The following NXPE2 variants were observed in gnomAD, a reference collection of about 807,000 sequenced individuals.
NXPE2 encodes NXPE family member 2.
A neutral mutation model predicts 34.4 loss-of-function variants in NXPE2; 34 were observed. That is an observed-to-expected ratio of 0.99 (90% CI 0.75 to 1.31). NXPE2 has a LOEUF of 1.31. NXPE2 is among the 40% of genes most tolerant of loss of function. The pLI is 0.00. For synonymous variants in NXPE2, 235 were observed against 231.3 expected, an observed-to-expected ratio of 1.02 and a Z score of -0.15; for missense variants, 649 against 672.5, an observed-to-expected ratio of 0.97 and a Z score of 0.39.
chr11:114,638,688 G>T, the NXPE2 span, among the ~76,000 whole-genome samples: 1 of 152,082 alleles, frequency 6.6e-6, no homozygotes, highest in African/African-American at 2.4e-5. Context: ...TAACAGACAG[G>T]ACCGTCAGCT....
At chr11:114,611,610 C>A in the NXPE2 span, among the ~76,000 whole-genome samples, 1 of 151,688 alleles carries the variant, frequency 6.6e-6, no homozygotes, top group Non-Finnish European at 1.5e-5. Context: ...ACAATTCTTA[C>A]CCTGTGGAAA....
the NXPE2 span, among the ~76,000 whole-genome samples, chr11:114,542,866 A>G: frequency 6.6e-6 from 1 of 152,232 alleles, no homozygotes; most frequent in African/African-American, 2.4e-5. Flanking sequence ...TGAAGACATG[A>G]ATATATATGA....
At chr11:114,790,623 G>A in the NXPE2 span, among the ~76,000 whole-genome samples, 3 of 152,166 alleles carry the variant, frequency 2.0e-5, no homozygotes, top group Non-Finnish European at 4.4e-5. Flanking sequence ...GCAGCAGTCA[G>A]GGCCAGAAGT....
chr11:114,679,766 G>T lies in NXPE2; in HGVS notation c.132+4G>T. ...GGCTTCAAAAGACCACACAAAGGTA[G>T]GAAGTTTCATTTTTAAGAATTTCAC... On this transcript the variant is annotated splice_donor_region_variant and intron_variant, in intron 2 of 5. Transcript: ENST00000389586. The T allele has an allele frequency of 6.6e-7, 1 of 1,524,090 alleles. No homozygotes were observed. The highest frequency in any genetic ancestry group is 8.9e-7 in the Non-Finnish European group (1 of 1,124,050). The allele number at this position is 1,524,090 out of a possible 1,614,324, so 94.4% of individuals were successfully genotyped here. A position where few individuals can be genotyped will look rare whatever the true frequency, so the allele number is the denominator to read the frequency against.
At chr11:114,477,843 CCTTT>C in the NXPE2 span, among the ~76,000 whole-genome samples, 5 of 150,974 alleles carry the variant, frequency 3.3e-5, no homozygotes, top group Non-Finnish European at 5.9e-5. Context: ...AAAAAGAATC[CCTTT>C]CTTTTTCTTA....
At chr11:114,527,872 TC>T in the NXPE2 span, 2 of 1,606,698 alleles carry the variant, frequency 1.2e-6, no homozygotes, top group Non-Finnish European at 1.7e-6. Flanking sequence ...GTGTTTACGA[TC>T]CTTCATCATT....
At chr11:114,477,681 T>G in the NXPE2 span, among the ~76,000 whole-genome samples, 1 of 152,122 alleles carries the variant, frequency 6.6e-6, no homozygotes, top group South Asian at 2.1e-4. Context: ...CTTCAAATAC[T>G]ATGCTGAGTG....
At chr11:114,790,871 T>C in the NXPE2 span, among the ~76,000 whole-genome samples, 3 of 151,680 alleles carry the variant, frequency 2.0e-5, no homozygotes, top group Non-Finnish European at 4.4e-5. Flanking sequence ...CCCTGAAGAG[T>C]CCCCCAGGGA....
At chr11:114,676,531 G>A (rs1341173707), upstream of NXPE2, among the ~76,000 whole-genome samples, 1 of 151,938 alleles carries the variant, frequency 6.6e-6, no homozygotes, top group Non-Finnish European at 1.5e-5. Context: ...CTAATCATCA[G>A]GAAAATGCAA....
the NXPE2 span, chr11:114,571,317 G>A: frequency 6.2e-7 from 1 of 1,614,004 alleles, no homozygotes; most frequent in South Asian, 1.1e-5. Context: ...TCTGTCAATG[G>A]CCCGGGTGAG....
At chr11:114,510,834 G>A in the NXPE2 span, among the ~76,000 whole-genome samples, 16 of 152,074 alleles carry the variant, frequency 1.1e-4, no homozygotes, top group African/African-American at 3.6e-4. Flanking sequence ...AGCAAATAAA[G>A]ACAATTATTA....
At chr11:114,568,842 A>C in the NXPE2 span, among the ~76,000 whole-genome samples, 4 of 152,200 alleles carry the variant, frequency 2.6e-5, no homozygotes, top group African/African-American at 9.6e-5. Context: ...GAACTGTGGA[A>C]TAATTTTATG....
chr11:114,562,105 A>G, the NXPE2 span, among the ~76,000 whole-genome samples: 50 of 152,170 alleles, frequency 3.3e-4, no homozygotes, highest in African/African-American at 1.0e-3. Context: ...TGGCATGTCA[A>G]TTTCTTCTGA....
At chr11:114,554,352 T>C in the NXPE2 span, 486,321 of 983,688 alleles carry the variant, frequency 0.49, 124,875 homozygotes, top group African/African-American at 0.85. Context: ...CTTGTGTAAA[T>C]GAGAGGGGGC....
chr11:114,786,789 A>C, the NXPE2 span, among the ~76,000 whole-genome samples: 1 of 150,956 alleles, frequency 6.6e-6, no homozygotes, highest in Non-Finnish European at 1.5e-5. Context: ...CCCCACACAG[A>C]CAGCCACAGG....
chr11:114,566,276 A>C, the NXPE2 span, among the ~76,000 whole-genome samples: 2 of 152,194 alleles, frequency 1.3e-5, no homozygotes, highest in East Asian at 3.9e-4. Flanking sequence ...GATAGAGCAA[A>C]GTGGATGCAT....
the NXPE2 span, among the ~76,000 whole-genome samples, chr11:114,728,469 A>G: frequency 1.3e-5 from 2 of 152,050 alleles, no homozygotes; most frequent in Non-Finnish European, 2.9e-5. Context: ...TTGTTTGCTT[A>G]ATTTTTTATG....
the NXPE2 span, among the ~76,000 whole-genome samples, chr11:114,525,658 G>A: frequency 6.6e-6 from 1 of 152,172 alleles, no homozygotes; most frequent in Non-Finnish European, 1.5e-5. Flanking sequence ...CACAACATAT[G>A]CCTGAGTTGC....
At chr11:114,515,299 T>C in the NXPE2 span, among the ~76,000 whole-genome samples, 2 of 152,314 alleles carry the variant, frequency 1.3e-5, no homozygotes, top group South Asian at 4.1e-4. Flanking sequence ...CTATTTGATA[T>C]GTGGTATGAG....
Sources: gnomAD v4.1 joint callset for allele counts (sites outside exome capture counted in the v4.1 genomes callset) on GRCh38, gnomAD v4.1.1 for gene constraint, MANE v1.5 for transcripts, NCBI Gene and HGNC (gene_info 2026-07-23, HGNC 2026-07-21) for gene names.